KCNAB1: variants seen among roughly 807,000 people sequenced by gnomAD.
KCNAB1 encodes the protein voltage-gated potassium channel subunit beta-1.
In KCNAB1, 35 loss-of-function variants were observed where a neutral mutation model predicts 64.6. That is an observed-to-expected ratio of 0.54 (90% CI 0.41 to 0.72). KCNAB1 has a LOEUF of 0.72. Ranked by LOEUF, KCNAB1 falls within the 30% of genes least tolerant of loss-of-function variation. The pLI is 0.00. For missense variants in KCNAB1, 401 were observed against 512.9 expected (o/e 0.78, Z 2.11); for synonymous variants, 177 against 183.8 (o/e 0.96, Z 0.30).
At chr3:156,221,775 T>TC (rs1172625958) in intron 1 of KCNAB1, among the ~76,000 whole-genome samples, 3,410 of 133,672 alleles carry the variant, frequency 0.026, 74 homozygotes, top group African/African-American at 0.049. Flanking sequence ...CAAAACTCCA[T>TC]CCCCCCCCGC....
chr3:156,263,983 T>C (rs1304870327), intron 1 of KCNAB1, among the ~76,000 whole-genome samples: 1 of 152,142 alleles, frequency 6.6e-6, no homozygotes, highest in Non-Finnish European at 1.5e-5. Flanking sequence ...CTGGTTGTTC[T>C]ATCAGTTACT....
intron 1 of KCNAB1, among the ~76,000 whole-genome samples, chr3:156,164,003 G>GC (rs1716229569): frequency 6.6e-6 from 1 of 152,188 alleles, no homozygotes; most frequent in South Asian, 2.1e-4. Context: ...AAGAGTTAAT[G>GC]CTAGGCATCA....
At chr3:156,493,734 A>G (rs1235725171) in intron 8 of KCNAB1, among the ~76,000 whole-genome samples, 3 of 152,028 alleles carry the variant, frequency 2.0e-5, no homozygotes, top group Non-Finnish European at 4.4e-5. Context: ...TGTCTTTATA[A>G]TTTTGACATT....
intron 1 of KCNAB1, 87 bp downstream of exon 1, chr3:156,120,973 T>C: frequency 6.7e-7 from 1 of 1,494,010 alleles, no homozygotes; most frequent in Non-Finnish European, 9.0e-7. Flanking sequence ...CCTCTGCAGC[T>C]GGAAGTCTTA....
chr3:156,269,734 T>C (rs1718917124), intron 1 of KCNAB1, among the ~76,000 whole-genome samples: 1 of 152,150 alleles, frequency 6.6e-6, no homozygotes. Flanking sequence ...ATGACCTTTG[T>C]CTCTTTCTAT....
intron 1 of KCNAB1, among the ~76,000 whole-genome samples, chr3:156,126,795 G>A (rs1197818159): frequency 6.6e-6 from 1 of 151,768 alleles, no homozygotes; most frequent in East Asian, 1.9e-4. Flanking sequence ...GGTAATGATG[G>A]CAGTAATACC....
At chr3:156,315,699 T>C (rs1367128090) in intron 1 of KCNAB1, among the ~76,000 whole-genome samples, 1 of 152,218 alleles carries the variant, frequency 6.6e-6, no homozygotes, top group African/African-American at 2.4e-5. Flanking sequence ...TATCTATTCA[T>C]GTGGGATAAA....
At chr3:156,425,677 T>C (rs1240314734) in intron 2 of KCNAB1, among the ~76,000 whole-genome samples, 2 of 152,190 alleles carry the variant, frequency 1.3e-5, no homozygotes, top group African/African-American at 2.4e-5. Context: ...TAAGCAAACA[T>C]TTATGAAGCC....
chr3:156,339,827 G>A (rs575421357), intron 1 of KCNAB1, among the ~76,000 whole-genome samples: 3 of 152,290 alleles, frequency 2.0e-5, no homozygotes, highest in South Asian at 4.1e-4. Flanking sequence ...GGCTTCATGC[G>A]TGTTTTGTCC....
At chr3:156,178,500 C>A (rs1462890185) in intron 1 of KCNAB1, among the ~76,000 whole-genome samples, 1 of 152,158 alleles carries the variant, frequency 6.6e-6, no homozygotes, top group African/African-American at 2.4e-5. Flanking sequence ...TCCATTGTTT[C>A]ATGGAAGAAA....
At chr3:156,534,222 G>A (rs374781396) in intron 13 of KCNAB1, among the ~76,000 whole-genome samples, 5 of 152,142 alleles carry the variant, frequency 3.3e-5, no homozygotes, top group Admixed American at 3.3e-4. Flanking sequence ...TGGAAAATAC[G>A]GAGCACCAGC....
At chr3:156,480,535 TAAAGTAAAAAAAAA>T (rs1714714272) in intron 8 of KCNAB1, among the ~76,000 whole-genome samples, 1 of 145,136 alleles carries the variant, frequency 6.9e-6, no homozygotes, top group African/African-American at 2.8e-5. Flanking sequence ...TTTCTGAACT[TAAAGTAAAAAAAAA>T]AAAGTAAAAA....
intron 1 of KCNAB1, among the ~76,000 whole-genome samples, chr3:156,389,721 C>T (rs904175549): frequency 1.3e-4 from 20 of 152,226 alleles, no homozygotes; most frequent in Non-Finnish European, 2.9e-4. Flanking sequence ...ACAGTTTTCT[C>T]AGATAATGCT....
intron 1 of KCNAB1, among the ~76,000 whole-genome samples, chr3:156,406,974 A>T (rs547589955): frequency 1.3e-5 from 2 of 152,306 alleles, no homozygotes; most frequent in South Asian, 4.1e-4. Flanking sequence ...AACCTAATCC[A>T]CAGAGTATCA....
At chr3:156,242,237 T>A (rs1265459371) in intron 1 of KCNAB1, among the ~76,000 whole-genome samples, 2 of 152,212 alleles carry the variant, frequency 1.3e-5, no homozygotes, top group Admixed American at 1.3e-4. Flanking sequence ...TATTATTATT[T>A]GCTACATTTT....
chr3:156,284,012 A>G lies in KCNAB1; in HGVS notation c.276-137604A>G, dbSNP rs565035223. 2.2e-3 allele frequency among the ~76,000 whole-genome samples: 332 copies of G among 152,094 alleles called. 1 individual carries two copies. Among genetic ancestry groups the G allele is most frequent in the African/African-American group, 7.7e-3 (321 of 41,520 alleles). ...AGCTTTGTTCCGTTGCTGGTGAGGA[A>G]CTGCATTCCTTTGGAGGAGGAGAGG... is the stretch of plus-strand genomic sequence containing the variant. On this transcript the variant is annotated intron_variant, in intron 1 of 13. Coordinates refer to ENST00000490337, the MANE Select transcript of KCNAB1 (RefSeq NM_172160.3).
At chr3:156,489,669 A>G (rs1316043988) in intron 8 of KCNAB1, among the ~76,000 whole-genome samples, 2 of 152,166 alleles carry the variant, frequency 1.3e-5, no homozygotes, top group Admixed American at 6.5e-5. Flanking sequence ...GCTACCCAAT[A>G]CACAACACAG....
intron 1 of KCNAB1, among the ~76,000 whole-genome samples, chr3:156,151,300 G>A (rs994102859): frequency 6.6e-6 from 1 of 152,116 alleles, no homozygotes; most frequent in South Asian, 2.1e-4. Context: ...CCCATCCAGT[G>A]ATTCCTCTTC....
rs59772816 is a variant in KCNAB1, at chr3:156,428,533, A to ACACACACACACACC, written c.319+6875_319+6876insACACACACACACCC. On this transcript the variant is annotated intron_variant, in intron 2 of 13. Transcript: ENST00000490337. Reference sequence around the variant, plus strand: ...CACACACACACACACACACACACACACCCTATTGGTTCTGTTTCTCTGGAG... The same window carrying ACACACACACACACC: ...CACACACACACACACACACACACACACACACACACACACCCCCTATTGGTTCTGTTTCTCTGGAG... Among the ~76,000 whole-genome samples, 293 of 143,106 alleles carry ACACACACACACACC rather than the reference A, an allele frequency of 2.0e-3. 1 individual carries two copies. The highest frequency in any genetic ancestry group is 4.9e-3 in the African/African-American group (185 of 37,924). 93.9% of individuals were successfully genotyped at this position (143,106 alleles called of 152,430 possible). A position where few individuals can be genotyped will look rare whatever the true frequency, so the allele number is the denominator to read the frequency against.
Sources: gnomAD v4.1 joint callset for allele counts (sites outside exome capture counted in the v4.1 genomes callset) on GRCh38, gnomAD v4.1.1 for gene constraint, MANE v1.5 for transcripts, NCBI Gene and HGNC (gene_info 2026-07-23, HGNC 2026-07-21) for gene names.